The following SHISA6 variants were observed in gnomAD, a reference collection of about 807,000 sequenced individuals.
The protein encoded by SHISA6 is protein shisa-6.
A neutral mutation model predicts 47.9 loss-of-function variants in SHISA6; 22 were observed. The ratio of observed to expected loss-of-function variants is 0.46; its 90% CI spans 0.33 to 0.66. SHISA6 has a LOEUF of 0.66. Among genes scored for constraint, SHISA6 ranks in the 30% least tolerant of loss-of-function variants. The pLI, the probability that SHISA6 is intolerant of heterozygous loss-of-function variation, is 0.02. For missense variants in SHISA6, 680 were observed against 764.6 expected, an observed-to-expected ratio of 0.89 and a Z score of 1.30; for synonymous variants, 388 against 337.8, an observed-to-expected ratio of 1.15 and a Z score of -1.63.
chr17:11,442,615 G>A (rs1325453933), intron 3 of SHISA6, among the ~76,000 whole-genome samples: 1 of 152,188 alleles, frequency 6.6e-6, no homozygotes, highest in African/African-American at 2.4e-5. Context: ...CATGTGAAAT[G>A]TTTAGCTCAG....
intron 3 of SHISA6, among the ~76,000 whole-genome samples, chr17:11,421,834 A>C (rs1254804599): frequency 1.3e-5 from 2 of 152,192 alleles, no homozygotes; most frequent in Admixed American, 1.3e-4. Flanking sequence ...CAGAGTGTAG[A>C]AAAAATAGGA....
At chr17:11,332,906 G>A (rs1374640829) in intron 2 of SHISA6, among the ~76,000 whole-genome samples, 2 of 152,158 alleles carry the variant, frequency 1.3e-5, no homozygotes, top group African/African-American at 4.8e-5. Context: ...TGGTGTCATT[G>A]TCTCTCGGGT....
At chr17:11,533,843 C>T (rs150591712) in intron 3 of SHISA6, among the ~76,000 whole-genome samples, 2,138 of 152,086 alleles carry the variant, frequency 0.014, 55 homozygotes, top group African/African-American at 0.044. Flanking sequence ...CCACCTACCT[C>T]GCCTCCCAAA....
chr17:11,296,108 G>T (rs184432890), intron 2 of SHISA6, among the ~76,000 whole-genome samples: 3 of 152,216 alleles, frequency 2.0e-5, no homozygotes, highest in African/African-American at 7.2e-5. Flanking sequence ...GGAAGAAGGG[G>T]GTGTGAGGGA....
chr17:11,352,491 A>G (rs1911922641), intron 2 of SHISA6, among the ~76,000 whole-genome samples: 1 of 152,172 alleles, frequency 6.6e-6, no homozygotes, highest in Non-Finnish European at 1.5e-5. Context: ...AAGATGGGAA[A>G]AATAGGGGTG....
At position 11,267,866 on chromosome 17, in the gene SHISA6, G is replaced by A. The variant is rs562283899; in HGVS notation, c.799+4340G>A. ...GACCCCTGGGCAAAAGCGGGCACAA[G>A]TAGAAATAAAAAGATTGTTTAGGGG... On this transcript the variant is annotated intron_variant, in intron 2 of 5. Coordinates refer to ENST00000441885, the MANE Select transcript of SHISA6 (RefSeq NM_207386.4). Among the ~76,000 whole-genome samples the A allele has an allele frequency of 9.2e-5, 14 of 152,264 alleles. No homozygotes were observed. The East Asian group carries it at 2.1e-3, about 23-fold the overall frequency.
chr17:11,241,709 G>A lies in SHISA6; in HGVS notation c.287G>A (p.Gly96Asp), dbSNP rs1418029296. 6.5e-7 allele frequency: 1 copy of A among 1,538,894 alleles called. No individual in the cohort carries two copies. Among genetic ancestry groups the A allele is most frequent in the Non-Finnish European group, 8.7e-7 (1 of 1,146,586 alleles). ...SAAVTYETCW[G>D]YYDVSGQYDK... is the part of the protein sequence containing the mutation. ...GCCGTCACCTACGAGACGTGCTGGGGCTACTACGACGTGAGCGGCCAGTAC... is the reference window on the plus strand; with the variant it reads ...GCCGTCACCTACGAGACGTGCTGGGACTACTACGACGTGAGCGGCCAGTAC... Residue 96 changes from glycine to aspartate, a missense_variant, in exon 1 of 6, where the codon GGC (glycine) becomes GAC (aspartate). Physicochemically the swap from Gly to Asp is moderately conservative, Grantham distance 94. Around this residue, in one of 2 missense-constraint regions of SHISA6, gnomAD observed 559 missense variants for 674.1 expected, o/e 0.83. Coordinates refer to ENST00000441885, the MANE Select transcript of SHISA6 (RefSeq NM_207386.4). The surrounding 1 kb of genome is among the most constrained non-coding windows in gnomAD (Gnocchi z 5.5).
intron 3 of SHISA6, among the ~76,000 whole-genome samples, chr17:11,543,862 G>A (rs1252787296): frequency 6.8e-6 from 1 of 147,060 alleles, no homozygotes; most frequent in Non-Finnish European, 1.5e-5. Flanking sequence ...AGTGAAAAAA[G>A]GTGATCTTTT....
At chr17:11,261,503 G>T (rs1908231871) in intron 1 of SHISA6, among the ~76,000 whole-genome samples, 1 of 152,192 alleles carries the variant, frequency 6.6e-6, no homozygotes, top group African/African-American at 2.4e-5. Flanking sequence ...GACAGCCCCT[G>T]GTAACCACAG....
chr17:11,292,868 A>G (rs954317791), intron 2 of SHISA6, among the ~76,000 whole-genome samples: 2 of 139,994 alleles, frequency 1.4e-5, no homozygotes, highest in Non-Finnish European at 3.1e-5. Context: ...CTTATTGCCC[A>G]GGCTGGAGTG....
At chr17:11,359,681 A>G (rs1259585545) in intron 2 of SHISA6, among the ~76,000 whole-genome samples, 3 of 152,176 alleles carry the variant, frequency 2.0e-5, no homozygotes, top group African/African-American at 7.2e-5. Context: ...GGAGAGGGAG[A>G]GAAAGAAAAA....
rs367739779 is a variant in SHISA6 at position 11,385,465 on chromosome 17, G to A, written c.895+5956G>A. Reference sequence around the variant, plus strand: ...AGAAAAGACACGTTTTGGGGCTGAGGTATTGGCAAGGTGGAAGTCTGTGGA... The same window carrying A: ...AGAAAAGACACGTTTTGGGGCTGAGATATTGGCAAGGTGGAAGTCTGTGGA... On this transcript the variant is annotated intron_variant, in intron 3 of 5. Coordinates refer to ENST00000441885, the MANE Select transcript of SHISA6 (RefSeq NM_207386.4). 4.6e-4 allele frequency among the ~76,000 whole-genome samples: 70 copies of A among 152,258 alleles called. 2 individuals carry two copies. In the South Asian group the frequency reaches 0.015, roughly 32 times the overall value.
chr17:11,424,239 A>G (rs1196711681), intron 3 of SHISA6, among the ~76,000 whole-genome samples: 1 of 152,232 alleles, frequency 6.6e-6, no homozygotes, highest in Non-Finnish European at 1.5e-5. Flanking sequence ...ATAGAAATTA[A>G]TGATAGGCTT....
chr17:11,338,742 ATC>A (rs1911413782), intron 2 of SHISA6, among the ~76,000 whole-genome samples: 1 of 152,130 alleles, frequency 6.6e-6, no homozygotes, highest in African/African-American at 2.4e-5. Flanking sequence ...CAAAAGATTT[ATC>A]TGTCTTTTCA....
At chr17:11,261,398 C>G (rs985978400) in intron 1 of SHISA6, among the ~76,000 whole-genome samples, 1 of 152,248 alleles carries the variant, frequency 6.6e-6, no homozygotes, top group Non-Finnish European at 1.5e-5. Context: ...GCTGTGCTGA[C>G]CAGCTCAGTG....
intron 3 of SHISA6, among the ~76,000 whole-genome samples, chr17:11,551,027 C>T (rs1357366143): frequency 6.6e-6 from 1 of 152,194 alleles, no homozygotes; most frequent in East Asian, 1.9e-4. Context: ...AGGGCTGTAA[C>T]CTGCGGTTTA....
intron 2 of SHISA6, among the ~76,000 whole-genome samples, chr17:11,312,059 C>A (rs532557827): frequency 1.3e-5 from 2 of 152,114 alleles, no homozygotes; most frequent in African/African-American, 2.4e-5. Context: ...CAGGTGTGAG[C>A]CACCACACCC....
chr17:11,549,982 C>T (rs968913141), intron 3 of SHISA6, among the ~76,000 whole-genome samples: 4 of 152,124 alleles, frequency 2.6e-5, no homozygotes, highest in East Asian at 1.9e-4. Context: ...ATCTGTCTTG[C>T]GAAGGGACAG....
intron 3 of SHISA6, among the ~76,000 whole-genome samples, chr17:11,477,446 T>C (rs912333217): frequency 1.3e-5 from 2 of 152,152 alleles, no homozygotes; most frequent in African/African-American, 4.8e-5. Flanking sequence ...TATTTTAAGT[T>C]TTAGGGTACA....
Sources: gnomAD v4.1 joint callset for allele counts (sites outside exome capture counted in the v4.1 genomes callset) on GRCh38, gnomAD v4.1.1 for gene constraint, gnomAD v4.1.1 regional missense constraint, Gnocchi (gnomAD v3.1) non-coding constraint, MANE v1.5 for transcripts, NCBI Gene and HGNC (gene_info 2026-07-23, HGNC 2026-07-21) for gene names.